Variants in FAM228B observed in about 807,000 individuals in gnomAD.
The protein encoded by FAM228B is protein FAM228B.
In FAM228B, 38 loss-of-function variants were observed where a neutral mutation model predicts 42.6. The observed-to-expected ratio is 0.89, with a 90% confidence interval of 0.69 to 1.17. FAM228B has a LOEUF of 1.17. FAM228B is among the 50% of genes most tolerant of loss of function. FAM228B has a pLI of 0.00. For missense variants in FAM228B, 344 were observed against 367.3 expected, an observed-to-expected ratio of 0.94 and a Z score of 0.52; for synonymous variants, 109 against 122.3, an observed-to-expected ratio of 0.89 and a Z score of 0.72.
Position 24,139,243 on chromosome 2 carries a change from G to C in FAM228B, c.361-127G>C, listed in dbSNP as rs1253963179. The C allele has an allele frequency of 1.4e-5, 6 of 443,550 alleles. No homozygotes were observed. In the Admixed American group the frequency reaches 2.1e-4, roughly 15 times the overall value. 27.5% of individuals were successfully genotyped at this position (443,550 alleles called of 1,614,324 possible). On this transcript the variant is annotated intron_variant, in intron 4 of 10. Coordinates refer to ENST00000615575, the MANE Select transcript of FAM228B (RefSeq NM_001145710.2). ...AAAATGTAGCCTTGTCTTTCTTTTTGCATTTGTCACTGATGCTGCTTTCAA... is the reference window on the plus strand; with the variant it reads ...AAAATGTAGCCTTGTCTTTCTTTTTCCATTTGTCACTGATGCTGCTTTCAA...
chr2:24,110,352 T>G (rs1322835907), intron 3 of FAM228B, among the ~76,000 whole-genome samples: 1 of 151,924 alleles, frequency 6.6e-6, no homozygotes, highest in Non-Finnish European at 1.5e-5. Context: ...GGATGGGGGA[T>G]AGGTACTAGA....
At chr2:24,137,887 C>CT in intron 3 of FAM228B, 22 bp from the exon 4 acceptor site, 4 of 1,478,882 alleles carry the variant, frequency 2.7e-6, no homozygotes, top group Non-Finnish European at 3.6e-6. Flanking sequence ...ATATATTTGT[C>CT]TTTTCTACCA....
At chr2:24,139,711 A>ATACAAAATTT (rs1558387352) in intron 5 of FAM228B, among the ~76,000 whole-genome samples, 1 of 152,260 alleles carries the variant, frequency 6.6e-6, no homozygotes, top group Admixed American at 6.5e-5. Context: ...TTGTTACAAA[A>ATACAAAATTT]GTAACACATT....
chr2:24,103,517 C>T (rs889763899), intron 3 of FAM228B, among the ~76,000 whole-genome samples: 1 of 152,222 alleles, frequency 6.6e-6, no homozygotes, highest in African/African-American at 2.4e-5. Context: ...TTGTGTGGGT[C>T]TCTCTGCGTA....
At chr2:24,128,727 A>T (rs1444168040) in intron 2 of FAM228B, among the ~76,000 whole-genome samples, 1 of 151,760 alleles carries the variant, frequency 6.6e-6, no homozygotes, top group Non-Finnish European at 1.5e-5. Flanking sequence ...AAGTGCACAG[A>T]TTTCCCATAA....
chr2:24,143,843 A>G (rs1252458052), intron 5 of FAM228B, among the ~76,000 whole-genome samples: 1 of 151,376 alleles, frequency 6.6e-6, no homozygotes. Flanking sequence ...TATAACAACA[A>G]TGTTTTGAAA....
rs775630470 is a variant in FAM228B, at chr2:24,115,662, A to T, written c.-120-19457A>T. On this transcript the variant is annotated intron_variant, in intron 3 of 10. Coordinates refer to the FAM228B transcript ENST00000613899. ...TATTTATGAGCTGCAAATTATCACT[A>T]CAAATGATTCATTCATCCATTTATT... 3.8e-6 allele frequency: 6 copies of T among 1,568,698 alleles called. No individual in the cohort carries two copies. In the African/African-American group the frequency reaches 8.1e-5, roughly 21 times the overall value.
chr2:24,124,189 A>T lies in FAM228B; in HGVS notation c.-32-141A>T, dbSNP rs555709254. ...TCTGAAGCCGTCATCTGGAGTCTGT[A>T]GTGAAGGCCTCTTGTTAGGGAAACT... is the stretch of plus-strand genomic sequence containing the variant. On this transcript the variant is annotated intron_variant, in intron 1 of 10. Coordinates refer to ENST00000615575, the MANE Select transcript of FAM228B (RefSeq NM_001145710.2). The T allele has an allele frequency of 2.2e-5, 12 of 538,282 alleles. No homozygotes were observed. The African/African-American group carries it at 2.3e-4, about 10-fold the overall frequency. 33.3% of individuals were successfully genotyped at this position (538,282 alleles called of 1,614,324 possible). A position where few individuals can be genotyped will look rare whatever the true frequency, so the allele number is the denominator to read the frequency against.
chr2:24,106,526 G>T (rs1258569899), intron 3 of FAM228B, among the ~76,000 whole-genome samples: 1 of 151,764 alleles, frequency 6.6e-6, no homozygotes, highest in Non-Finnish European at 1.5e-5. Context: ...TGCTGTGTTG[G>T]CCAGGCTGGT....
At position 24,098,985 on chromosome 2, in the gene FAM228B, A is replaced by T. The variant is rs546056645; in HGVS notation, c.-121+3756A>T. On this transcript the variant is annotated intron_variant, in intron 3 of 10. Transcript: ENST00000613899. ...ATGCAAGGCTGGTTCAACATACACA[A>T]ATCAATAAATGTAATTCATCACATA... 3.9e-5 allele frequency among the ~76,000 whole-genome samples: 6 copies of T among 152,336 alleles called. No homozygotes were observed. In the East Asian group the frequency reaches 9.6e-4, roughly 24 times the overall value.
At chr2:24,109,982 G>T (rs1665763208) in intron 3 of FAM228B, among the ~76,000 whole-genome samples, 1 of 152,130 alleles carries the variant, frequency 6.6e-6, no homozygotes, top group South Asian at 2.1e-4. Flanking sequence ...ATACATCCAT[G>T]CATATGTCCA....
intron 2 of FAM228B, among the ~76,000 whole-genome samples, chr2:24,088,876 G>A (rs1253560150): frequency 6.6e-6 from 1 of 152,174 alleles, no homozygotes; most frequent in Non-Finnish European, 1.5e-5. Context: ...ACTCCAGGTA[G>A]AGAGTGTCAG....
At chr2:24,093,894 G>C (rs1039359941) in intron 2 of FAM228B, among the ~76,000 whole-genome samples, 3 of 151,966 alleles carry the variant, frequency 2.0e-5, no homozygotes, top group Non-Finnish European at 4.4e-5. Flanking sequence ...TGGGATTACA[G>C]GTATGAGCCA....
chr2:24,084,216 G>T lies in FAM228B; in HGVS notation c.-210+3261G>T. 6.2e-7 allele frequency: 1 copy of T among 1,613,650 alleles called. No homozygotes were observed. Among genetic ancestry groups the T allele is most frequent in the South Asian group, 1.1e-5 (1 of 91,056 alleles). On this transcript the variant is annotated intron_variant, in intron 2 of 10. Transcript: ENST00000613899. This position sits in a 1 kb window ranked among gnomAD's most constrained non-coding sequence, Gnocchi z 8.4. ...GCATTAAGTCCGCCCGGTTCAGGGC[G>T]CTGGCCGCCACCTTCAGGAGGACTT...
chr2:24,132,337 C>G (rs1413681737), intron 2 of FAM228B, among the ~76,000 whole-genome samples: 1 of 151,986 alleles, frequency 6.6e-6, no homozygotes, highest in East Asian at 1.9e-4. Flanking sequence ...GGATGATGGC[C>G]TCATACAATG....
At chr2:24,133,724 A>G (rs1666510911) in intron 2 of FAM228B, among the ~76,000 whole-genome samples, 1 of 152,178 alleles carries the variant, frequency 6.6e-6, no homozygotes, top group Non-Finnish European at 1.5e-5. Flanking sequence ...TGTTATTTCA[A>G]AATCTGAAAA....
chr2:24,143,381 A>G (rs1666804857), intron 5 of FAM228B, among the ~76,000 whole-genome samples: 1 of 152,104 alleles, frequency 6.6e-6, no homozygotes, highest in Non-Finnish European at 1.5e-5. Flanking sequence ...TTTTCAGTAG[A>G]GATGGGGTTT....
At chr2:24,153,875 A>G (rs1192821120) in intron 7 of FAM228B, among the ~76,000 whole-genome samples, 1 of 152,236 alleles carries the variant, frequency 6.6e-6, no homozygotes, top group Admixed American at 6.5e-5. Context: ...CTCAAGTTCC[A>G]ATCACTGGGA....
At chr2:24,094,944 A>C (rs1362203447) in intron 2 of FAM228B, among the ~76,000 whole-genome samples, 2 of 152,086 alleles carry the variant, frequency 1.3e-5, no homozygotes, top group East Asian at 3.8e-4. Flanking sequence ...AATACCAAAA[A>C]AATTAGCCTG....
Sources: gnomAD v4.1 joint callset for allele counts (sites outside exome capture counted in the v4.1 genomes callset) on GRCh38, gnomAD v4.1.1 for gene constraint, Gnocchi (gnomAD v3.1) non-coding constraint, MANE v1.5 for transcripts, NCBI Gene and HGNC (gene_info 2026-07-23, HGNC 2026-07-21) for gene names.